SHANK2: variants seen among roughly 807,000 people sequenced by gnomAD.
The protein encoded by SHANK2 is SH3 and multiple ankyrin repeat domains 2.
In SHANK2, 43 loss-of-function variants were observed where a neutral mutation model predicts 133.7. The ratio of observed to expected loss-of-function variants is 0.32; its 90% CI spans 0.25 to 0.41. SHANK2 has a LOEUF of 0.41. Ranked by LOEUF, SHANK2 falls within the 10% of genes least tolerant of loss-of-function variation. The pLI, the probability that SHANK2 is intolerant of heterozygous loss-of-function variation, is 1.00. For synonymous variants in SHANK2, 1,017 were observed against 952.8 expected (o/e 1.07, Z -1.24); for missense variants, 1,994 against 2,235.8 (o/e 0.89, Z 2.18).
intron 3 of SHANK2, among the ~76,000 whole-genome samples, chr11:71,122,989 A>T (rs1453084949): frequency 6.6e-6 from 1 of 152,160 alleles, no homozygotes; most frequent in Non-Finnish European, 1.5e-5. Context: ...GCAGCAAAAA[A>T]ACAGCAGCAT....
In SHANK2 at chr11:70,676,135, C is replaced by T. The variant is rs1385271666; in HGVS notation, c.1854-14457G>A. Among the ~76,000 whole-genome samples the T allele has an allele frequency of 2.0e-5, 3 of 152,234 alleles. No individual in the cohort carries two copies. In the East Asian group the frequency reaches 5.8e-4, roughly 29 times the overall value. On this transcript the variant is annotated intron_variant, in intron 15 of 25. Transcript: ENST00000601538. The stretch of plus-strand genomic sequence containing the variant: ...GACCTTAATGCTGTCCCTCACGTGA[C>T]ACTGTGTGCTTAGAGGGAGGGGACT...
chr11:70,587,970 T>C (rs1554987220), intron 17 of SHANK2, among the ~76,000 whole-genome samples: 1 of 152,222 alleles, frequency 6.6e-6, no homozygotes, highest in African/African-American at 2.4e-5. Context: ...TCAAACTTTT[T>C]CAGTATTATG....
chr11:70,528,110 C>T (rs539385606), intron 17 of SHANK2, among the ~76,000 whole-genome samples: 3 of 152,316 alleles, frequency 2.0e-5, no homozygotes, highest in Non-Finnish European at 2.9e-5. Context: ...ACCAGGATGG[C>T]GGCGCAGAAA....
intron 12 of SHANK2, among the ~76,000 whole-genome samples, chr11:70,818,698 G>A (rs1434213195): frequency 6.6e-6 from 1 of 152,190 alleles, no homozygotes; most frequent in African/African-American, 2.4e-5. Flanking sequence ...TCCTTGTTTG[G>A]CTCTGGTGGG....
rs2061391253 is a variant in SHANK2 at position 70,655,156 on chromosome 11, T to C, written c.2061+4672A>G. On this transcript the variant is annotated intron_variant, in intron 17 of 25. Transcript: ENST00000601538. ...TTGTTACATACTACCACATTGATTG[T>C]GAAAACATTTATGGCAACTTAGGCT... Among the ~76,000 whole-genome samples the C allele has an allele frequency of 1.3e-5, 2 of 152,204 alleles. 1 individual carries two copies. Among genetic ancestry groups the C allele is most frequent in the Non-Finnish European group, 2.9e-5 (2 of 68,048 alleles).
intron 15 of SHANK2, among the ~76,000 whole-genome samples, chr11:70,670,188 C>A (rs1170840973): frequency 6.6e-6 from 1 of 152,188 alleles, no homozygotes; most frequent in Non-Finnish European, 1.5e-5. Flanking sequence ...CAGGGAAGGG[C>A]CTGAGAGCAG....
chr11:70,567,087 G>C (rs2059977364), intron 17 of SHANK2, among the ~76,000 whole-genome samples: 1 of 152,150 alleles, frequency 6.6e-6, no homozygotes, highest in Non-Finnish European at 1.5e-5. Context: ...CATTGTTATC[G>C]GGTGGTGCCA....
At position 71,223,728 on chromosome 11, in the gene SHANK2, C is replaced by G. The variant is rs188055418; in HGVS notation, c.-13+969G>C. Among the ~76,000 whole-genome samples the G allele has an allele frequency of 1.3e-4, 20 of 152,316 alleles. No individual in the cohort carries two copies. The East Asian group carries it at 3.5e-3, about 26-fold the overall frequency. On this transcript the variant is annotated intron_variant, in intron 2 of 25. Transcript: ENST00000601538. Reference sequence around the variant, plus strand: ...GGTGCACACAATTAGGAAAGTATATCTGACGCAGCTTCTTGGGCAGGCCCG... The same window carrying G: ...GGTGCACACAATTAGGAAAGTATATGTGACGCAGCTTCTTGGGCAGGCCCG...
intron 2 of SHANK2, among the ~76,000 whole-genome samples, chr11:71,149,749 G>A (rs1161104424): frequency 7.5e-6 from 1 of 133,884 alleles, no homozygotes; most frequent in Admixed American, 7.1e-5. Context: ...AAGGAAGGGA[G>A]GAGGGGAGGG....
At chr11:70,901,649 A>T (rs1405253745) in intron 10 of SHANK2, among the ~76,000 whole-genome samples, 2 of 152,152 alleles carry the variant, frequency 1.3e-5, no homozygotes, top group Non-Finnish European at 2.9e-5. Context: ...TTGAGGGGGA[A>T]ATGTTAGGGT....
chr11:70,871,099 A>G (rs553952958), intron 11 of SHANK2, among the ~76,000 whole-genome samples: 3 of 152,194 alleles, frequency 2.0e-5, no homozygotes, highest in Admixed American at 1.3e-4. Flanking sequence ...TTTTATAAGA[A>G]TATCAGTCCT....
chr11:70,675,679 T>C (rs1555017052), intron 15 of SHANK2, among the ~76,000 whole-genome samples: 2 of 152,202 alleles, frequency 1.3e-5, no homozygotes, highest in African/African-American at 4.8e-5. Context: ...TGCCAGTATC[T>C]GAGCTGCTGG....
At chr11:71,126,041 A>G (rs1272276624) in intron 3 of SHANK2, among the ~76,000 whole-genome samples, 1 of 152,030 alleles carries the variant, frequency 6.6e-6, no homozygotes, top group African/African-American at 2.4e-5. Context: ...AACATGGTGG[A>G]ACCCCAACTC....
chr11:70,772,541 T>C (rs1947275083), intron 14 of SHANK2, among the ~76,000 whole-genome samples: 1 of 152,054 alleles, frequency 6.6e-6, no homozygotes, highest in Non-Finnish European at 1.5e-5. Flanking sequence ...TGTTGAAACA[T>C]TGGAGAAACT....
At chr11:70,874,308 T>C (rs1949520711) in intron 11 of SHANK2, among the ~76,000 whole-genome samples, 1 of 152,192 alleles carries the variant, frequency 6.6e-6, no homozygotes, top group African/African-American at 2.4e-5. Context: ...ATCTAATCTA[T>C]TTATATGTAA....
chr11:70,615,955 AC>A, intron 17 of SHANK2, among the ~76,000 whole-genome samples: 1 of 151,944 alleles, frequency 6.6e-6, no homozygotes, highest in Non-Finnish European at 1.5e-5. Flanking sequence ...GGCCACTCAG[AC>A]CCCAGCTGTC....
chr11:71,068,550 T>C (rs1951099175), intron 9 of SHANK2, among the ~76,000 whole-genome samples: 1 of 152,212 alleles, frequency 6.6e-6, no homozygotes, highest in Non-Finnish European at 1.5e-5. Context: ...CACCATTAGA[T>C]GCCATAGTGA....
intron 2 of SHANK2, among the ~76,000 whole-genome samples, chr11:71,222,033 C>T (rs1263204910): frequency 1.3e-5 from 2 of 152,076 alleles, no homozygotes; most frequent in Admixed American, 1.3e-4. Flanking sequence ...GTGAGCATGG[C>T]CGGGTTGGTG....
intron 14 of SHANK2, among the ~76,000 whole-genome samples, chr11:70,723,676 G>A (rs545182662): frequency 4.6e-5 from 7 of 152,230 alleles, no homozygotes; most frequent in African/African-American, 1.7e-4. Context: ...GCAGCAACAG[G>A]TGACTAATCA....
Sources: gnomAD v4.1 joint callset for allele counts (sites outside exome capture counted in the v4.1 genomes callset) on GRCh38, gnomAD v4.1.1 for gene constraint, MANE v1.5 for transcripts, NCBI Gene and HGNC (gene_info 2026-07-23, HGNC 2026-07-21) for gene names.